CHODL: variants seen among roughly 807,000 people sequenced by gnomAD.
CHODL encodes the protein transmembrane protein MT75.
Under a neutral mutation model 34.5 loss-of-function variants are expected in CHODL, and 29 were observed. The ratio of observed to expected loss-of-function variants is 0.84; its 90% CI spans 0.63 to 1.15. CHODL has a LOEUF of 1.15. Ranked by LOEUF, CHODL falls within the 50% of genes most tolerant of loss-of-function variation. The pLI, the probability that CHODL is intolerant of heterozygous loss-of-function variation, is 0.00. For missense variants in CHODL, 332 were observed against 332.5 expected (o/e 1.00, Z 0.01); for synonymous variants, 125 against 116.1 (o/e 1.08, Z -0.49).
rs149628793 is a variant in CHODL at position 18,100,031 on chromosome 21, C to T, written c.-45+72060C>T. On this transcript the variant is annotated intron_variant, in intron 2 of 6. Coordinates refer to the CHODL transcript ENST00000400127. The stretch of plus-strand genomic sequence containing the variant: ...AGACTGGATAAATCTAAGGATATGA[C>T]AAAGCAAAGAAGGAAAGGAAAAATA... The T allele has an allele frequency of 2.0e-3, 310 of 151,580 alleles. 1 individual carries two copies. The highest frequency in any genetic ancestry group is 7.3e-3 in the African/African-American group (301 of 41,298). 9.4% of individuals were successfully genotyped at this position (151,580 alleles called of 1,614,324 possible).
chr21:18,017,890 C>T (rs1486422306), intron 1 of CHODL, among the ~76,000 whole-genome samples: 7 of 152,206 alleles, frequency 4.6e-5, no homozygotes, highest in South Asian at 2.1e-4. Context: ...AACGCCAGAG[C>T]GGTATTGCTG....
intron 2 of CHODL, among the ~76,000 whole-genome samples, chr21:18,065,673 A>G (rs1474074408): frequency 6.6e-6 from 1 of 152,180 alleles, no homozygotes; most frequent in Non-Finnish European, 1.5e-5. Context: ...GGAGAAGAAC[A>G]TCAGTGTTTT....
chr21:18,075,403 C>A (rs1477728279), intron 2 of CHODL, among the ~76,000 whole-genome samples: 2 of 152,186 alleles, frequency 1.3e-5, no homozygotes, highest in Non-Finnish European at 2.9e-5. Context: ...CAAGACATCT[C>A]TTTCCCCATG....
intron 1 of CHODL, among the ~76,000 whole-genome samples, chr21:17,995,392 A>C (rs2063839477): frequency 6.6e-6 from 1 of 152,152 alleles, no homozygotes; most frequent in African/African-American, 2.4e-5. Context: ...CATTTTCCCC[A>C]AAATGGGGAG....
chr21:18,259,366 A>T (rs1377997890), intron 3 of CHODL, among the ~76,000 whole-genome samples: 1 of 152,156 alleles, frequency 6.6e-6, no homozygotes, highest in Admixed American at 6.6e-5. Context: ...CAACAATTTT[A>T]AAGTGTGTAG....
At chr21:18,215,199 G>T (rs1231818476) in intron 2 of CHODL, among the ~76,000 whole-genome samples, 1 of 138,968 alleles carries the variant, frequency 7.2e-6, no homozygotes, top group African/African-American at 2.6e-5. Flanking sequence ...TCTCAAACAT[G>T]AAAAAAAAAA....
Position 17,956,024 on chromosome 21 carries a change from A to G in CHODL, c.-145+38624A>G, listed in dbSNP as rs2063491709. Among the ~76,000 whole-genome samples, 2 of 136,592 alleles carry G rather than the reference A, an allele frequency of 1.5e-5. 1 individual carries two copies. Among genetic ancestry groups the G allele is most frequent in the South Asian group, 5.7e-4 (2 of 3,518 alleles). The allele number at this position is 136,592 out of a possible 152,430, so 89.6% of individuals were successfully genotyped here. On this transcript the variant is annotated intron_variant, in intron 1 of 6. Coordinates refer to the CHODL transcript ENST00000400127. The stretch of plus-strand genomic sequence containing the variant: ...TTCAGGGAGTCTTTTCATATGTTCT[A>G]TGGGGATTGCAGGCTAGGAGTATCG...
At chr21:18,193,711 T>G (rs2026858) in intron 2 of CHODL, among the ~76,000 whole-genome samples, 19 of 119,708 alleles carry the variant, frequency 1.6e-4, no homozygotes, top group South Asian at 7.3e-4. Context: ...AAAAAAAAAA[T>G]AAAATAAATA....
chr21:17,985,368 C>T (rs1488340466), intron 1 of CHODL, among the ~76,000 whole-genome samples: 1 of 152,152 alleles, frequency 6.6e-6, no homozygotes, highest in Non-Finnish European at 1.5e-5. Context: ...CCACCTCTCG[C>T]ATGTATCACT....
At chr21:17,944,237 A>G (rs766609340) in intron 1 of CHODL, among the ~76,000 whole-genome samples, 11 of 152,152 alleles carry the variant, frequency 7.2e-5, no homozygotes, top group Non-Finnish European at 1.2e-4. Flanking sequence ...CCTGCCCTAT[A>G]ACCCTGCATA....
intron 1 of CHODL, among the ~76,000 whole-genome samples, chr21:17,948,215 G>GT (rs2063427622): frequency 6.6e-6 from 1 of 151,914 alleles, no homozygotes. Context: ...ACATTTTTAG[G>GT]TAATGGTACT....
intron 2 of CHODL, among the ~76,000 whole-genome samples, chr21:18,204,668 T>A (rs2073692957): frequency 6.6e-6 from 1 of 152,196 alleles, no homozygotes; most frequent in South Asian, 2.1e-4. Context: ...ACATAGCTCA[T>A]GTTACCCACT....
chr21:17,956,392 T>G (rs1190092935), intron 1 of CHODL, among the ~76,000 whole-genome samples: 6 of 136,848 alleles, frequency 4.4e-5, no homozygotes, highest in African/African-American at 1.5e-4. Context: ...CTATGCTTCC[T>G]GCACAGCCTC....
chr21:18,217,626 T>C (rs539273590), intron 2 of CHODL, among the ~76,000 whole-genome samples: 12 of 152,258 alleles, frequency 7.9e-5, no homozygotes, highest in Non-Finnish European at 1.5e-4. Context: ...TCAAATATCA[T>C]ATCCTTACAT....
intron 2 of CHODL, among the ~76,000 whole-genome samples, chr21:18,143,295 A>G (rs1355954476): frequency 6.6e-6 from 1 of 152,182 alleles, no homozygotes; most frequent in East Asian, 1.9e-4. Flanking sequence ...CTGCTTAAAC[A>G]TTTGTGTCGA....
At chr21:18,167,208 T>TCC (rs2073165568) in intron 2 of CHODL, among the ~76,000 whole-genome samples, 1 of 124,078 alleles carries the variant, frequency 8.1e-6, no homozygotes, top group Non-Finnish European at 1.8e-5. Flanking sequence ...CATTTCTCTC[T>TCC]CTCTGTGTGT....
chr21:18,177,655 G>A (rs910412387), intron 2 of CHODL, among the ~76,000 whole-genome samples: 5 of 152,030 alleles, frequency 3.3e-5, no homozygotes, highest in South Asian at 2.1e-4. Flanking sequence ...GAACAAAATC[G>A]TACCAGTCTA....
chr21:18,257,088 T>G lies in CHODL; in HGVS notation c.508T>G (p.Cys170Gly), dbSNP rs1022605670. Residue 170 changes from cysteine to glycine, a missense_variant, in exon 3 of 6, where the codon TGT becomes GGT. Transcript: ENST00000299295. ...CCTTTACCAGTGGAATGATGACAGGTGTAACATGAAGCACAATTATATTTG... is the reference window on the plus strand; with the variant it reads ...CCTTTACCAGTGGAATGATGACAGGGGTAACATGAAGCACAATTATATTTG... ...PYLYQWNDDR[C>G]NMKHNYICKY... 1 of 1,613,514 alleles carries G rather than the reference T, an allele frequency of 6.2e-7. No homozygotes were observed. The highest frequency in any genetic ancestry group is 1.7e-5 in the Admixed American group (1 of 59,928).
intron 1 of CHODL, among the ~76,000 whole-genome samples, chr21:18,007,632 A>G (rs1371659078): frequency 6.6e-6 from 1 of 152,202 alleles, no homozygotes; most frequent in Non-Finnish European, 1.5e-5. Context: ...AATCTCCTCA[A>G]AGAACCCCAG....
Sources: allele counts gnomAD v4.1 joint callset (sites outside exome capture counted in the v4.1 genomes callset), GRCh38; gene constraint gnomAD v4.1.1; transcripts MANE v1.5; gene names NCBI Gene and HGNC (gene_info 2026-07-23, HGNC 2026-07-21).